CDKL2: variants seen among roughly 807,000 people sequenced by gnomAD.
CDKL2 encodes the protein cyclin dependent kinase like 2.
A neutral mutation model predicts 63.9 loss-of-function variants in CDKL2; 64 were observed. That is an observed-to-expected ratio of 1.00 (90% CI 0.82 to 1.23). CDKL2 has a LOEUF of 1.23. Ranked by LOEUF, CDKL2 falls within the 50% of genes most tolerant of loss-of-function variation. The probability of loss-of-function intolerance (pLI) is 0.00; values close to 1 mark genes in which losing one functional copy is unlikely to be tolerated. For synonymous variants in CDKL2, 211 were observed against 229.2 expected (o/e 0.92, Z 0.72); for missense variants, 656 against 668.0 (o/e 0.98, Z 0.20).
rs1728961618 is a variant in CDKL2, at chr4:75,596,873, AC to A, written c.1322+61del. 5.9e-6 allele frequency: 8 copies of A among 1,354,098 alleles called. No homozygotes were observed. The South Asian group carries it at 1.1e-4, about 18-fold the overall frequency. 83.9% of individuals were successfully genotyped at this position (1,354,098 alleles called of 1,614,324 possible). On this transcript the variant is annotated intron_variant, in intron 9 of 13. Coordinates refer to ENST00000307465, the MANE Select transcript of CDKL2 (RefSeq NM_001330724.2). ...AAAAACAATGTGGATGAATTGACAA[AC>A]CCTTGCAATTTGCAAATATGTCCTT...
At chr4:75,592,778 A>G (rs936773121) in intron 10 of CDKL2, among the ~76,000 whole-genome samples, 2 of 152,224 alleles carry the variant, frequency 1.3e-5, no homozygotes, top group African/African-American at 2.4e-5. Flanking sequence ...GAGTTAGAAT[A>G]TAATACTATC....
chr4:75,603,998 T>A, intron 5 of CDKL2, 42 bp from the exon 6 acceptor site: 1 of 1,559,794 alleles, frequency 6.4e-7, no homozygotes, highest in African/African-American at 1.4e-5. Context: ...TTATACAACA[T>A]GATAGAAATG....
chr4:75,620,388 C>T (rs1730106510), intron 2 of CDKL2, among the ~76,000 whole-genome samples: 1 of 151,854 alleles, frequency 6.6e-6, no homozygotes, highest in Admixed American at 6.6e-5. Flanking sequence ...AAAAGAAAGC[C>T]AACCTCAAAA....
chr4:75,577,322 A>G lies in CDKL2; in HGVS notation c.*1880T>C, dbSNP rs189108276. Among the ~76,000 whole-genome samples, 26 of 152,304 alleles carry G rather than the reference A, an allele frequency of 1.7e-4. No homozygotes were observed. In the East Asian group the frequency reaches 5.0e-3, roughly 29 times the overall value. ...TAATCTTGTTGATTACATCAACAAGAATCACTGAAACCAATTTGCAGAATC... is the reference window on the plus strand; with the variant it reads ...TAATCTTGTTGATTACATCAACAAGGATCACTGAAACCAATTTGCAGAATC... On this transcript the variant is annotated 3_prime_UTR_variant, in exon 14 of 14. Transcript: ENST00000307465.
chr4:75,582,611 A>G (rs554754908), intron 12 of CDKL2, among the ~76,000 whole-genome samples: 140 of 151,900 alleles, frequency 9.2e-4, no homozygotes, highest in African/African-American at 3.3e-3. Context: ...ATTATGGCAG[A>G]AAAAAAAATT....
intron 10 of CDKL2, among the ~76,000 whole-genome samples, chr4:75,593,801 A>C (rs1296825651): frequency 6.6e-6 from 1 of 152,184 alleles, no homozygotes; most frequent in Non-Finnish European, 1.5e-5. Flanking sequence ...ATCATGAGAG[A>C]GATGAAAAGG....
At chr4:75,629,938 C>CAAAAAAAAAAAA (rs747587721) in intron 1 of CDKL2, 104 bp downstream of exon 1, 6 of 74,204 alleles carry the variant, frequency 8.1e-5, no homozygotes, top group Non-Finnish European at 1.5e-4. Flanking sequence ...AACTCCGTCT[C>CAAAAAAAAAAAA]AAAAAAAAAA....
rs1287292121 is a variant in CDKL2, at chr4:75,578,806, T to A, written c.*396A>T. 2 of 152,638 alleles carry A rather than the reference T, an allele frequency of 1.3e-5. No homozygotes were observed. Among genetic ancestry groups the A allele is most frequent in the African/African-American group, 4.8e-5 (2 of 41,462 alleles). 9.5% of individuals were successfully genotyped at this position (152,638 alleles called of 1,614,324 possible). A position where few individuals can be genotyped will look rare whatever the true frequency, so the allele number is the denominator to read the frequency against. ...AAACACACAAAGTTCAATGCATGAG[T>A]AACATGGCCTTTTATAGTATTTCTC... On this transcript the variant is annotated 3_prime_UTR_variant, in exon 14 of 14. Transcript: ENST00000307465.
chr4:75,610,246 G>T (rs537205662), intron 3 of CDKL2, among the ~76,000 whole-genome samples: 1 of 152,004 alleles, frequency 6.6e-6, no homozygotes, highest in Non-Finnish European at 1.5e-5. Flanking sequence ...TAAACTGGGA[G>T]TCGGGAGACC....
chr4:75,614,086 C>T (rs1281427337), intron 3 of CDKL2, among the ~76,000 whole-genome samples, 169 bp downstream of exon 3: 1 of 152,046 alleles, frequency 6.6e-6, no homozygotes, highest in Non-Finnish European at 1.5e-5. Context: ...AAACAAAAAA[C>T]TCAGAAAACA....
At chr4:75,606,966 G>A (rs749117404) in intron 4 of CDKL2, among the ~76,000 whole-genome samples, 18 of 152,068 alleles carry the variant, frequency 1.2e-4, no homozygotes, top group Non-Finnish European at 2.4e-4. Flanking sequence ...GTATAAAATA[G>A]ACCACTTAAT....
rs1226509994 is a variant in CDKL2 at position 75,603,870 on chromosome 4, G to A, written c.742C>T (p.Pro248Ser). ...AGCTTAGGATAGCGTCTTTCAAGAG[G>A]TTCTCTTTCCTTGATTTCAGGCAAC... is the stretch of plus-strand genomic sequence containing the variant. ...VRLPEIKERE[P>S]LERRYPKLSE... Residue 248 changes from proline to serine, a missense_variant, in exon 6 of 14, where the codon CCT becomes TCT. Transcript: ENST00000307465. 1.9e-6 allele frequency: 3 copies of A among 1,613,264 alleles called. No individual in the cohort carries two copies. The highest frequency in any genetic ancestry group is 1.3e-5 in the African/African-American group (1 of 74,828).
intron 1 of CDKL2, among the ~76,000 whole-genome samples, chr4:75,627,014 G>T (rs1730450747): frequency 6.6e-6 from 1 of 151,628 alleles, no homozygotes; most frequent in Non-Finnish European, 1.5e-5. Flanking sequence ...GACCAGCCTG[G>T]CCAACATGGT....
At chr4:75,614,959 A>ATATATATAGTGTATATATATATGTATATT (rs1344749553) in intron 2 of CDKL2, among the ~76,000 whole-genome samples, 1 of 106,824 alleles carries the variant, frequency 9.4e-6, no homozygotes, top group African/African-American at 5.3e-5. Flanking sequence ...ATATATATAC[A>ATATATATAGTGTATATATATATGTATATT]CTATATATAT....
At position 75,625,819 on chromosome 4, in the gene CDKL2, A is replaced by G. The variant is rs1248056379; in HGVS notation, c.168+2T>C. The G allele has an allele frequency of 3.7e-6, 6 of 1,604,796 alleles. No individual in the cohort carries two copies. In the South Asian group the frequency reaches 6.8e-5, roughly 18 times the overall value. On this transcript the variant is annotated splice_donor_variant, in intron 2 of 13. Transcript: ENST00000307465. LOFTEE classifies it high-confidence loss of function. ...TTTGATTCAATATATGCATTTACTC[A>G]CCTTTAGTAACTTGATTTCTCGCAT...
intron 6 of CDKL2, among the ~76,000 whole-genome samples, chr4:75,601,161 G>A (rs1453897835): frequency 6.6e-6 from 1 of 152,060 alleles, no homozygotes; most frequent in Non-Finnish European, 1.5e-5. Context: ...TTCAAACTAT[G>A]AAATGAAATA....
chr4:75,618,274 G>T, intron 2 of CDKL2, among the ~76,000 whole-genome samples: 1 of 66,346 alleles, frequency 1.5e-5, no homozygotes, highest in Non-Finnish European at 2.6e-5. Flanking sequence ...TTTTTGAGAC[G>T]GAGTTTCGCT....
At chr4:75,608,067 G>A (rs757885648) in intron 3 of CDKL2, among the ~76,000 whole-genome samples, 34 of 149,890 alleles carry the variant, frequency 2.3e-4, no homozygotes, top group Non-Finnish European at 3.4e-4. Context: ...TGCCCGCCTC[G>A]GCCTCCCGAA....
chr4:75,599,888 G>C (rs1292420422), intron 7 of CDKL2, among the ~76,000 whole-genome samples: 1 of 152,196 alleles, frequency 6.6e-6, no homozygotes, highest in Non-Finnish European at 1.5e-5. Context: ...CACATCAGCA[G>C]TGTCAGCAGT....
Sources: gnomAD v4.1 joint callset for allele counts (sites outside exome capture counted in the v4.1 genomes callset) on GRCh38, gnomAD v4.1.1 for gene constraint, MANE v1.5 for transcripts, NCBI Gene and HGNC (gene_info 2026-07-23, HGNC 2026-07-21) for gene names.